The following RALYL variants were observed in gnomAD, a reference collection of about 807,000 sequenced individuals.
The protein encoded by RALYL is RNA-binding Raly-like protein.
A neutral mutation model predicts 35.1 loss-of-function variants in RALYL; 29 were observed. That is an observed-to-expected ratio of 0.83 (90% confidence interval 0.61 to 1.13). The LOEUF is 1.13. Among genes scored for constraint, RALYL ranks in the 50% most tolerant of loss-of-function variants. The pLI is 0.00. For missense variants in RALYL, 359 were observed against 360.4 expected (o/e 1.00, Z 0.03); for synonymous variants, 120 against 127.6 (o/e 0.94, Z 0.40).
chr8:84,501,861 TATC>T (rs1229753465), intron 1 of RALYL, among the ~76,000 whole-genome samples: 11 of 150,432 alleles, frequency 7.3e-5, no homozygotes, highest in Admixed American at 2.7e-4. Flanking sequence ...CTATATATAA[TATC>T]ATATTATGTT....
intron 2 of RALYL, among the ~76,000 whole-genome samples, chr8:84,742,191 C>T (rs774160212): frequency 6.6e-6 from 1 of 151,906 alleles, no homozygotes; most frequent in Non-Finnish European, 1.5e-5. Flanking sequence ...GGATAAAAAT[C>T]CAGTCTTACC....
chr8:84,611,917 A>G (rs113328949), intron 2 of RALYL, among the ~76,000 whole-genome samples: 13 of 152,002 alleles, frequency 8.6e-5, no homozygotes, highest in African/African-American at 2.9e-4. Context: ...AAGTGTTGGA[A>G]TTTGCATTTG....
At chr8:84,893,303 C>T (rs1219904065) in intron 8 of RALYL, among the ~76,000 whole-genome samples, 1 of 152,132 alleles carries the variant, frequency 6.6e-6, no homozygotes, top group Non-Finnish European at 1.5e-5. Context: ...TCACATTATA[C>T]ATAGGTAGGT....
chr8:84,887,223 C>G (rs1463522055), intron 7 of RALYL, among the ~76,000 whole-genome samples: 2 of 152,154 alleles, frequency 1.3e-5, no homozygotes, highest in Non-Finnish European at 2.9e-5. Context: ...TATGTTGTAT[C>G]TGATTTTTGC....
intron 2 of RALYL, among the ~76,000 whole-genome samples, chr8:84,677,776 C>A (rs574097227): frequency 6.6e-6 from 1 of 152,194 alleles, no homozygotes; most frequent in Non-Finnish European, 1.5e-5. Context: ...CCAGCTCCCA[C>A]GTGAAATGAC....
At chr8:84,692,956 T>C (rs1838360123) in intron 2 of RALYL, among the ~76,000 whole-genome samples, 1 of 152,004 alleles carries the variant, frequency 6.6e-6, no homozygotes, top group African/African-American at 2.4e-5. Flanking sequence ...CTCTAGAAGT[T>C]AGAAAAGGCA....
At chr8:84,571,021 G>A (rs1807843226) in intron 2 of RALYL, among the ~76,000 whole-genome samples, 1 of 151,492 alleles carries the variant, frequency 6.6e-6, no homozygotes, top group Admixed American at 6.6e-5. Flanking sequence ...GGTTCATCAG[G>A]GATATTGGCC....
At chr8:84,917,631 T>C (rs1848693554) in intron 8 of RALYL, among the ~76,000 whole-genome samples, 1 of 151,370 alleles carries the variant, frequency 6.6e-6, no homozygotes, top group Non-Finnish European at 1.5e-5. Flanking sequence ...TCTGATTCAC[T>C]GTCCTATACT....
At chr8:84,444,662 G>A (rs2048680878) in intron 1 of RALYL, among the ~76,000 whole-genome samples, 1 of 152,098 alleles carries the variant, frequency 6.6e-6, no homozygotes, top group Non-Finnish European at 1.5e-5. Context: ...CAAACAAGGA[G>A]GCTATGGCTT....
intron 1 of RALYL, among the ~76,000 whole-genome samples, chr8:84,301,847 C>T (rs1047889124): frequency 6.6e-6 from 1 of 151,886 alleles, no homozygotes; most frequent in Non-Finnish European, 1.5e-5. Flanking sequence ...AAATTAAGTA[C>T]TTATCTTTTT....
At chr8:84,639,323 G>A (rs568081975) in intron 2 of RALYL, among the ~76,000 whole-genome samples, 62 of 151,902 alleles carry the variant, frequency 4.1e-4, no homozygotes, top group East Asian at 3.9e-4. Flanking sequence ...TTAAGTGTAG[G>A]AGCCTGTGAC....
At position 84,237,316 on chromosome 8, in the gene RALYL, C is replaced by T. The variant is rs147615086; in HGVS notation, c.-24+52892C>T. On this transcript the variant is annotated intron_variant, in intron 1 of 8. Coordinates refer to ENST00000521268, the MANE Select transcript of RALYL (RefSeq NM_173848.7). ...CAGCTCTGGCAGCTGGTGGATGAGA[C>T]CACTGTGTACTAGAGAATCCTAAGG... 2.3e-3 allele frequency among the ~76,000 whole-genome samples: 353 copies of T among 152,168 alleles called. 1 individual carries two copies. The highest frequency in any genetic ancestry group is 8.1e-3 in the African/African-American group (336 of 41,512).
At chr8:84,371,107 C>G (rs1472218074) in intron 1 of RALYL, among the ~76,000 whole-genome samples, 1 of 151,956 alleles carries the variant, frequency 6.6e-6, no homozygotes, top group Non-Finnish European at 1.5e-5. Context: ...CTTGCTCCTC[C>G]TCACGGAAGC....
rs527314579 is a variant in RALYL, at chr8:84,731,874, C to A, written c.257-42705C>A. On this transcript the variant is annotated intron_variant, in intron 2 of 8. Transcript: ENST00000521268. Reference sequence around the variant, plus strand: ...ACCTCTGTATCTTCCCTCATTTTTCCATGTAGCGCTCACACTGGTGTTGCT... The same window carrying A: ...ACCTCTGTATCTTCCCTCATTTTTCAATGTAGCGCTCACACTGGTGTTGCT... Among the ~76,000 whole-genome samples, 37 of 152,226 alleles carry A rather than the reference C, an allele frequency of 2.4e-4. No homozygotes were observed. The East Asian group carries it at 6.8e-3, about 28-fold the overall frequency.
intron 4 of RALYL, among the ~76,000 whole-genome samples, chr8:84,825,658 A>C (rs1376972285): frequency 2.6e-5 from 4 of 152,174 alleles, no homozygotes; most frequent in African/African-American, 9.7e-5. Context: ...ACCTGAGGTC[A>C]GGAGTTCAAG....
At chr8:84,247,354 T>G (rs546321156) in intron 1 of RALYL, among the ~76,000 whole-genome samples, 1 of 152,256 alleles carries the variant, frequency 6.6e-6, no homozygotes, top group South Asian at 2.1e-4. Flanking sequence ...TGGTTTGTTT[T>G]AATATTTATG....
At chr8:84,631,810 ATGG>A (rs1009464579) in intron 2 of RALYL, among the ~76,000 whole-genome samples, 6 of 151,918 alleles carry the variant, frequency 3.9e-5, no homozygotes, top group Admixed American at 1.3e-4. Flanking sequence ...GCGGATTCAT[ATGG>A]TCCTGGAAAA....
chr8:84,209,125 C>CAAAAAAAAAAAAAAAAAAAAAAAAA (rs60246316), intron 1 of RALYL, among the ~76,000 whole-genome samples: 1 of 97,536 alleles, frequency 1.0e-5, no homozygotes, highest in Non-Finnish European at 2.0e-5. Context: ...ACTCCTCCAC[C>CAAAAAAAAAAAAAAAAAAAAAAAAA]AAAAAAAAAA....
At chr8:84,841,451 C>T (rs1833314427) in intron 4 of RALYL, among the ~76,000 whole-genome samples, 1 of 152,112 alleles carries the variant, frequency 6.6e-6, no homozygotes, top group South Asian at 2.1e-4. Flanking sequence ...AATACAGGAG[C>T]ACCCAGATTC....
Sources: gnomAD v4.1 joint callset for allele counts (sites outside exome capture counted in the v4.1 genomes callset) on GRCh38, gnomAD v4.1.1 for gene constraint, MANE v1.5 for transcripts, NCBI Gene and HGNC (gene_info 2026-07-23, HGNC 2026-07-21) for gene names.